The following XYLT1 variants were observed in gnomAD, a reference collection of about 807,000 sequenced individuals.
XYLT1 encodes beta-D-xylosyltransferase 1.
A neutral mutation model predicts 91.3 loss-of-function variants in XYLT1; 36 were observed. That is an observed-to-expected ratio of 0.39 (90% confidence interval 0.30 to 0.52). The LOEUF is 0.52. Among genes scored for constraint, XYLT1 ranks in the 20% least tolerant of loss-of-function variants. The pLI is 0.68. For missense variants in XYLT1, 1,242 were observed against 1,284.5 expected (o/e 0.97, Z 0.51); for synonymous variants, 588 against 532.0 (o/e 1.11, Z -1.45).
intron 2 of XYLT1, among the ~76,000 whole-genome samples, chr16:17,268,931 C>T (rs1043770648): frequency 6.6e-5 from 10 of 152,078 alleles, no homozygotes; most frequent in Admixed American, 2.0e-4. Context: ...CCTTGGCCTC[C>T]CAAAGTGCTG....
Position 17,470,813 on chromosome 16 carries a change from G to C in XYLT1, c.-17C>G. 1.0e-6 allele frequency: 1 copy of C among 990,386 alleles called. No individual in the cohort carries two copies. The highest frequency in any genetic ancestry group is 1.2e-6 in the Non-Finnish European group (1 of 835,366). 61.3% of individuals were successfully genotyped at this position (990,386 alleles called of 1,614,324 possible). A position where few individuals can be genotyped will look rare whatever the true frequency, so the allele number is the denominator to read the frequency against. On this transcript the variant is annotated 5_prime_UTR_variant, in exon 1 of 12. Transcript: ENST00000261381. ...CGCCACCATCTTCGGAGCGCGGCCG[G>C]CGAGCGAGGCGCGGGGACCCCGGCA...
At chr16:17,224,963 G>A (rs2033036475) in intron 3 of XYLT1, among the ~76,000 whole-genome samples, 1 of 152,172 alleles carries the variant, frequency 6.6e-6, no homozygotes, top group Admixed American at 6.5e-5. Flanking sequence ...ACAAATGAGT[G>A]TGGCTGTGTT....
chr16:17,180,963 G>T (rs1426621695), intron 5 of XYLT1, among the ~76,000 whole-genome samples: 1 of 152,200 alleles, frequency 6.6e-6, no homozygotes, highest in East Asian at 1.9e-4. Context: ...GAGGGTCAGA[G>T]GCAGGCCACT....
At chr16:17,442,516 T>G (rs1405157488) in intron 1 of XYLT1, among the ~76,000 whole-genome samples, 1 of 152,122 alleles carries the variant, frequency 6.6e-6, no homozygotes, top group Non-Finnish European at 1.5e-5. Context: ...TAACACCACA[T>G]ATTGCCCCAC....
intron 2 of XYLT1, among the ~76,000 whole-genome samples, chr16:17,306,906 G>A (rs8061913): frequency 0.6 from 91,904 of 151,964 alleles, 29,416 homozygotes; most frequent in African/African-American, 0.82. Context: ...AGAGAGGCAG[G>A]GTGACTTGCC....
In XYLT1 at chr16:17,117,720, T is replaced by C. The variant is rs750587672; in HGVS notation, c.2483A>G (p.His828Arg). 6.2e-7 allele frequency: 1 copy of C among 1,614,146 alleles called. No homozygotes were observed. The highest frequency in any genetic ancestry group is 1.1e-5 in the South Asian group (1 of 91,076). ...TTTGGTCTCTGCAACTGGCACCCAG[T>C]GGTGGAGAATTTTCACTGTCCAGAC... ...PGVWTVKILH[H>R]WVPVAETKFL... Residue 828 changes from histidine (H) to arginine (R), a missense_variant, in exon 11 of 12, where the codon CAC (histidine) becomes CGC (arginine). Physicochemically the swap from His to Arg is conservative, Grantham distance 29. Coordinates refer to ENST00000261381, the MANE Select transcript of XYLT1 (RefSeq NM_022166.4).
chr16:17,136,699 T>G (rs1337925722), intron 8 of XYLT1, among the ~76,000 whole-genome samples: 11 of 152,004 alleles, frequency 7.2e-5, no homozygotes, highest in Non-Finnish European at 1.5e-4. Context: ...CGTTACCATA[T>G]TATTCTTTCT....
At chr16:17,154,564 A>G (rs2031359890) in intron 6 of XYLT1, among the ~76,000 whole-genome samples, 1 of 152,204 alleles carries the variant, frequency 6.6e-6, no homozygotes, top group Non-Finnish European at 1.5e-5. Flanking sequence ...GAGAGTAAAC[A>G]TGCGGCCACC....
At chr16:17,315,344 CTGGCATGTTCTTCT>C (rs921824251) in intron 2 of XYLT1, among the ~76,000 whole-genome samples, 2 of 152,258 alleles carry the variant, frequency 1.3e-5, no homozygotes, top group Non-Finnish European at 2.9e-5. Flanking sequence ...CTTCCCCCTA[CTGGCATGTTCTTCT>C]CCCCAGCCTC....
At chr16:17,186,556 C>T (rs768244213) in intron 5 of XYLT1, among the ~76,000 whole-genome samples, 8 of 151,292 alleles carry the variant, frequency 5.3e-5, no homozygotes, top group Non-Finnish European at 1.0e-4. Flanking sequence ...CCTCCCACCT[C>T]GGCCTCTCAA....
chr16:17,177,470 T>C (rs752482), intron 5 of XYLT1, among the ~76,000 whole-genome samples: 33,750 of 151,932 alleles, frequency 0.22, 4,300 homozygotes, highest in African/African-American at 0.34. Context: ...AATCTGTATA[T>C]TCCTCAAAGG....
In XYLT1 at chr16:17,127,737, A is replaced by G. The variant is rs752315381; in HGVS notation, c.2152T>C (p.Trp718Arg). The G allele has an allele frequency of 2.5e-6, 4 of 1,614,218 alleles. No individual in the cohort carries two copies. The highest frequency in any genetic ancestry group is 3.4e-6 in the Non-Finnish European group (4 of 1,180,036). ...AVSKLETLETWVMPKKVFKIA... is the reference protein window; with the variant it reads ...AVSKLETLETRVMPKKVFKIA... ...TTGAAGACTTTTTTCGGCATCACCC[A>G]GGTCTCCAGAGTCTCTAGTTTGCTC... is the stretch of plus-strand genomic sequence containing the variant. The change falls in exon 10 of 12, where the codon TGG (tryptophan) becomes CGG (arginine). Residue 718 changes from tryptophan (W) to arginine (R), a missense_variant. Physicochemically the swap from Trp to Arg is moderately radical, Grantham distance 101. Around this residue, in one of 3 missense-constraint regions of XYLT1, gnomAD observed 511 missense variants for 497.0 expected, o/e 1.03. Coordinates refer to ENST00000261381, the MANE Select transcript of XYLT1 (RefSeq NM_022166.4).
chr16:17,293,491 CTTTTTTTTTT>C (rs548581536), intron 2 of XYLT1, among the ~76,000 whole-genome samples: 59 of 119,106 alleles, frequency 5.0e-4, no homozygotes, highest in East Asian at 1.6e-3. Context: ...TTTCTCCCTC[CTTTTTTTTTT>C]TTTTTTTTTT....
intron 1 of XYLT1, among the ~76,000 whole-genome samples, chr16:17,433,152 G>A (rs1409970526): frequency 1.3e-5 from 2 of 152,214 alleles, no homozygotes; most frequent in South Asian, 4.1e-4. Context: ...GCTAAGTGGA[G>A]AGCCAAATTC....
intron 2 of XYLT1, among the ~76,000 whole-genome samples, chr16:17,310,798 G>A (rs376343698): frequency 3.3e-5 from 5 of 152,150 alleles, no homozygotes; most frequent in Non-Finnish European, 4.4e-5. Flanking sequence ...GCAGTGAGCC[G>A]AGATCGTGCC....
chr16:17,346,199 G>T (rs1031345904), intron 2 of XYLT1, among the ~76,000 whole-genome samples: 1 of 152,154 alleles, frequency 6.6e-6, no homozygotes, highest in Non-Finnish European at 1.5e-5. Flanking sequence ...GAGCCAGGGG[G>T]TCTGCTGCAT....
intron 5 of XYLT1, among the ~76,000 whole-genome samples, chr16:17,161,659 C>T (rs1487420041): frequency 1.4e-5 from 2 of 141,388 alleles, no homozygotes; most frequent in Non-Finnish European, 3.1e-5. Flanking sequence ...CATTTTACCC[C>T]GTTCCAGTTT....
At chr16:17,377,532 A>G (rs1486832770) in intron 1 of XYLT1, among the ~76,000 whole-genome samples, 1 of 152,092 alleles carries the variant, frequency 6.6e-6, no homozygotes, top group Non-Finnish European at 1.5e-5. Flanking sequence ...TCACTCCCCA[A>G]GAAGCTTATC....
chr16:17,314,632 G>C (rs1468485884), intron 2 of XYLT1, among the ~76,000 whole-genome samples: 1 of 152,194 alleles, frequency 6.6e-6, no homozygotes, highest in East Asian at 1.9e-4. Flanking sequence ...TTCCAGGAAA[G>C]AAAGGCCTGT....
Sources: gnomAD v4.1 joint callset for allele counts (sites outside exome capture counted in the v4.1 genomes callset) on GRCh38, gnomAD v4.1.1 for gene constraint, gnomAD v4.1.1 regional missense constraint, MANE v1.5 for transcripts, NCBI Gene and HGNC (gene_info 2026-07-23, HGNC 2026-07-21) for gene names.